PCSK5: variants seen among roughly 807,000 people sequenced by gnomAD.
The protein encoded by PCSK5 is prohormone convertase 5.
PCSK5 carries 129 observed loss-of-function variants against 233.2 expected under a neutral mutation model. That is an observed-to-expected ratio of 0.55 (90% CI 0.48 to 0.64). The LOEUF (loss-of-function observed/expected upper bound fraction) is 0.64, where lower values mean the gene tolerates loss of function less well. Ranked by LOEUF, PCSK5 falls within the 30% of genes least tolerant of loss-of-function variation. The probability of loss-of-function intolerance (pLI) is 0.00; values close to 1 mark genes in which losing one functional copy is unlikely to be tolerated. For synonymous variants in PCSK5, 825 were observed against 879.2 expected, an observed-to-expected ratio of 0.94 and a Z score of 1.09; for missense variants, 2,076 against 2,430.1, an observed-to-expected ratio of 0.85 and a Z score of 3.06.
At chr9:76,221,238 A>G (rs74478208) in intron 20 of PCSK5, among the ~76,000 whole-genome samples, 4,091 of 152,350 alleles carry the variant, frequency 0.027, 73 homozygotes, top group Non-Finnish European at 0.044. Context: ...ATGCCTGCTC[A>G]AAGTTTGTTT....
chr9:76,023,668 A>C, intron 3 of PCSK5, 70 bp from the exon 4 acceptor site: 1 of 1,425,092 alleles, frequency 7.0e-7, no homozygotes, highest in Non-Finnish European at 9.5e-7. Context: ...AACAAAAGAA[A>C]GAAAGAAATA....
At chr9:76,274,175 T>TATA (rs1389240893) in intron 24 of PCSK5, among the ~76,000 whole-genome samples, 1 of 152,046 alleles carries the variant, frequency 6.6e-6, no homozygotes, top group African/African-American at 2.4e-5. Flanking sequence ...TATATCTATC[T>TATA]TTGAGTTTAC....
intron 15 of PCSK5, among the ~76,000 whole-genome samples, chr9:76,181,116 T>G (rs2131216736): frequency 6.6e-6 from 1 of 152,278 alleles, no homozygotes; most frequent in African/African-American, 2.4e-5. Flanking sequence ...ACCATAACCT[T>G]CCTCTCTGTA....
At position 76,213,636 on chromosome 9, in the gene PCSK5, G is replaced by A. The variant is rs548093036; in HGVS notation, c.2627-13867G>A. Among the ~76,000 whole-genome samples, 17 of 152,152 alleles carry A rather than the reference G, an allele frequency of 1.1e-4. No homozygotes were observed. In the South Asian group the frequency reaches 3.5e-3, roughly 32 times the overall value. ...CCAGGGTGATCTTCACCAAAGTTGT[G>A]CCCAGCATAGACTTTATCTCTTTCT... On this transcript the variant is annotated intron_variant, in intron 20 of 37. Coordinates refer to ENST00000674117, the MANE Select transcript of PCSK5 (RefSeq NM_001372043.1).
At chr9:76,044,179 A>G (rs997398944) in intron 5 of PCSK5, among the ~76,000 whole-genome samples, 5 of 152,228 alleles carry the variant, frequency 3.3e-5, no homozygotes, top group African/African-American at 1.2e-4. Context: ...AGACCAACGT[A>G]AGGAACAACT....
intron 10 of PCSK5, among the ~76,000 whole-genome samples, chr9:76,156,649 T>C (rs1822599737): frequency 6.6e-6 from 1 of 152,204 alleles, no homozygotes; most frequent in African/African-American, 2.4e-5. Context: ...ACTACGTGCA[T>C]TAAAATCTAG....
At chr9:76,249,897 A>G (rs905917732) in intron 24 of PCSK5, among the ~76,000 whole-genome samples, 7 of 152,234 alleles carry the variant, frequency 4.6e-5, no homozygotes, top group African/African-American at 1.7e-4. Flanking sequence ...AAAGAATAAA[A>G]TAAGTATCCA....
At chr9:76,136,653 ACTC>A (rs1040435482) in intron 10 of PCSK5, among the ~76,000 whole-genome samples, 4 of 150,784 alleles carry the variant, frequency 2.7e-5, no homozygotes, top group African/African-American at 9.8e-5. Flanking sequence ...GAATCTGAAA[ACTC>A]CTGTTCTTCC....
chr9:75,971,039 GC>G (rs1054198114), intron 2 of PCSK5, among the ~76,000 whole-genome samples: 3 of 152,024 alleles, frequency 2.0e-5, no homozygotes, highest in African/African-American at 4.8e-5. Flanking sequence ...TAGGTATTAA[GC>G]CCCACATGCA....
intron 8 of PCSK5, among the ~76,000 whole-genome samples, chr9:76,105,316 G>C (rs1191858441): frequency 6.6e-6 from 1 of 152,310 alleles, no homozygotes; most frequent in East Asian, 1.9e-4. Flanking sequence ...ACTTACATGA[G>C]GTATGTAGAG....
At chr9:76,342,885 C>T (rs932969144) in intron 35 of PCSK5, among the ~76,000 whole-genome samples, 6 of 152,208 alleles carry the variant, frequency 3.9e-5, no homozygotes, top group Non-Finnish European at 7.3e-5. Context: ...TCAATCCCCA[C>T]ATTCAATTTG....
intron 24 of PCSK5, among the ~76,000 whole-genome samples, chr9:76,291,706 GAC>G (rs1019712962): frequency 6.6e-6 from 1 of 152,230 alleles, no homozygotes; most frequent in Non-Finnish European, 1.5e-5. Flanking sequence ...ATGAGAACAA[GAC>G]AGTTTTTTTA....
intron 20 of PCSK5, among the ~76,000 whole-genome samples, chr9:76,205,991 G>A (rs1231566575): frequency 1.3e-5 from 2 of 152,170 alleles, no homozygotes; most frequent in East Asian, 3.9e-4. Context: ...AGCCTGGGTT[G>A]AGATGGCGAC....
At chr9:76,016,766 G>C (rs550345554) in intron 3 of PCSK5, among the ~76,000 whole-genome samples, 1 of 152,144 alleles carries the variant, frequency 6.6e-6, no homozygotes, top group Non-Finnish European at 1.5e-5. Context: ...ATTCAAAGAG[G>C]GTCACAAAAT....
intron 5 of PCSK5, among the ~76,000 whole-genome samples, chr9:76,033,324 A>C (rs998480773): frequency 5.9e-5 from 9 of 152,210 alleles, no homozygotes; most frequent in Non-Finnish European, 8.8e-5. Flanking sequence ...GATTTGGCCA[A>C]ATATGTTAAG....
At chr9:75,905,508 C>T (rs1826225434) in intron 1 of PCSK5, among the ~76,000 whole-genome samples, 1 of 152,228 alleles carries the variant, frequency 6.6e-6, no homozygotes, top group African/African-American at 2.4e-5. Flanking sequence ...CAGCAAGACA[C>T]TGTCTCAAAA....
At chr9:75,892,859 G>A (rs1314132122) in intron 1 of PCSK5, among the ~76,000 whole-genome samples, 5 of 152,194 alleles carry the variant, frequency 3.3e-5, no homozygotes, top group Non-Finnish European at 5.9e-5. Context: ...ACTGAGACTA[G>A]GGCAAGGGGC....
intron 6 of PCSK5, among the ~76,000 whole-genome samples, chr9:76,071,093 C>A (rs1378233862): frequency 1.3e-5 from 2 of 152,114 alleles, no homozygotes; most frequent in African/African-American, 2.4e-5. Flanking sequence ...AAATTCCTAT[C>A]TGTTTGATAG....
chr9:76,277,968 T>A (rs967394504), intron 24 of PCSK5, among the ~76,000 whole-genome samples: 2 of 152,220 alleles, frequency 1.3e-5, no homozygotes, highest in Non-Finnish European at 2.9e-5. Flanking sequence ...AGTATATATT[T>A]ACCCTGGGAG....
Sources: allele counts gnomAD v4.1 joint callset (sites outside exome capture counted in the v4.1 genomes callset), GRCh38; gene constraint gnomAD v4.1.1; transcripts MANE v1.5; gene names NCBI Gene and HGNC (gene_info 2026-07-23, HGNC 2026-07-21).